The following ABCA3 variants were observed in gnomAD, a reference collection of about 807,000 sequenced individuals.
ABCA3 encodes the protein phospholipid-transporting ATPase ABCA3.
ABCA3 carries 88 observed loss-of-function variants against 172.8 expected under a neutral mutation model. That is an observed-to-expected ratio of 0.51 (90% confidence interval 0.43 to 0.61). The LOEUF is 0.61. Among genes scored for constraint, ABCA3 ranks in the 20% least tolerant of loss-of-function variants. The probability of loss-of-function intolerance (pLI) is 0.00; values close to 1 mark genes in which losing one functional copy is unlikely to be tolerated. For synonymous variants in ABCA3, 1,066 were observed against 983.8 expected, an observed-to-expected ratio of 1.08 and a Z score of -1.56; for missense variants, 2,164 against 2,301.0, an observed-to-expected ratio of 0.94 and a Z score of 1.22.
At position 2,277,973 on chromosome 16, in the gene ABCA3, G is replaced by A. The variant is rs746665862; in HGVS notation, c.4815C>T (p.Phe1605=). 7 of 1,612,912 alleles carry A rather than the reference G, an allele frequency of 4.3e-6. No individual in the cohort carries two copies. Among genetic ancestry groups the A allele is most frequent in the Non-Finnish European group, 5.1e-6 (6 of 1,180,004 alleles). Residue 1605 remains phenylalanine (F), a synonymous_variant, in exon 31 of 33, where the codon TTC becomes TTT. Transcript: ENST00000301732. The surrounding 1 kb of genome is among the most constrained non-coding windows in gnomAD (Gnocchi z 5.3). ...LGSPQHLKSK[F]GSGYSLRAKV... ...TGGCCCGCAGGGAGTAGCCGCTGCC[G>A]AACTTGCTCTTGAGGTGCTGGGGGC...
chr16:2,280,975 C>A, intron 28 of ABCA3, 52 bp downstream of exon 28: 1 of 1,611,706 alleles, frequency 6.2e-7, no homozygotes, highest in East Asian at 2.2e-5. Context: ...CCAGGGTGCC[C>A]CCTCCAGCCA....
In ABCA3 at chr16:2,293,932, T is replaced by C. The variant is rs373157839; in HGVS notation, c.2414+1658A>G. 7.2e-5 allele frequency among the ~76,000 whole-genome samples: 11 copies of C among 152,018 alleles called. No individual in the cohort carries two copies. In the East Asian group the frequency reaches 1.7e-3, roughly 24 times the overall value. ...CCTTCTGCCTTGGCTTCTGAAAGTG[T>C]TGGGATTACAGGCATGAGCAACCAT... On this transcript the variant is annotated intron_variant, in intron 18 of 32. Coordinates refer to ENST00000301732, the MANE Select transcript of ABCA3 (RefSeq NM_001089.3).
Position 2,283,276 on chromosome 16 carries a change from G to C in ABCA3, c.3945C>G (p.Cys1315Trp), listed in dbSNP as rs144831867. The C allele has an allele frequency of 1.2e-6, 2 of 1,613,302 alleles. No homozygotes were observed. Among genetic ancestry groups the C allele is most frequent in the Non-Finnish European group, 8.5e-7 (1 of 1,179,954 alleles). The change falls in exon 26 of 33, where the codon TGC becomes TGG. Residue 1315 changes from cysteine (C) to tryptophan (W), a missense_variant. Coordinates refer to ENST00000301732, the MANE Select transcript of ABCA3 (RefSeq NM_001089.3). The surrounding 1 kb of genome is among the most constrained non-coding windows in gnomAD (Gnocchi z 5.4). ...RFVASMAASGCAYLILLFLIE... is the reference protein window; with the variant it reads ...RFVASMAASGWAYLILLFLIE... ...TGAGGAAGAGCAGGATGAGGTAGGCGCACCCTGAGGCGGCCATGGAGGCCA... is the reference window on the plus strand; with the variant it reads ...TGAGGAAGAGCAGGATGAGGTAGGCCCACCCTGAGGCGGCCATGGAGGCCA...
At chr16:2,289,267 C>T in intron 20 of ABCA3, 167 bp downstream of exon 20, 1 of 767,296 alleles carries the variant, frequency 1.3e-6, no homozygotes, top group Non-Finnish European at 2.1e-6. Context: ...AACGCTTCTC[C>T]CTGCCGACCC....
At chr16:2,293,440 C>T (rs538936794) in intron 18 of ABCA3, among the ~76,000 whole-genome samples, 20 of 139,508 alleles carry the variant, frequency 1.4e-4, no homozygotes, top group Non-Finnish European at 2.4e-4. Flanking sequence ...GGTATAATCT[C>T]GGCTCACTGA....
chr16:2,299,668 C>T lies in ABCA3; in HGVS notation c.1612-136G>A, dbSNP rs533710519. 79 of 1,401,290 alleles carry T rather than the reference C, an allele frequency of 5.6e-5. No homozygotes were observed. The African/African-American group carries it at 6.8e-4, about 12-fold the overall frequency. 86.8% of individuals were successfully genotyped at this position (1,401,290 alleles called of 1,614,324 possible). A position where few individuals can be genotyped will look rare whatever the true frequency, so the allele number is the denominator to read the frequency against. On this transcript the variant is annotated intron_variant, in intron 13 of 32. Coordinates refer to ENST00000301732, the MANE Select transcript of ABCA3 (RefSeq NM_001089.3). ...ACCATCAGTGTGCAGAGGGGAGGGA[C>T]GTTTCGGGCAGATGCTGCTCCTGGC... is the stretch of plus-strand genomic sequence containing the variant.
In ABCA3 at chr16:2,316,490, C is replaced by CAAAAAAAAAAAAAAAAAAAAAAA. The variant is rs71148128; in HGVS notation, c.1111+770_1111+792dup. Among the ~76,000 whole-genome samples the CAAAAAAAAAAAAAAAAAAAAAAA allele has an allele frequency of 2.4e-4, 7 of 28,870 alleles. 3 individuals carry two copies. The highest frequency in any genetic ancestry group is 5.4e-4 in the Non-Finnish European group (7 of 13,002). 18.9% of individuals were successfully genotyped at this position (28,870 alleles called of 152,430 possible). On this transcript the variant is annotated intron_variant, in intron 10 of 32. Coordinates refer to ENST00000301732, the MANE Select transcript of ABCA3 (RefSeq NM_001089.3). ...CAAAACCCCGTCTCTACTAAAAATGCAAAAAAAAAAAAAAAAAAAAAAAAA... is the reference window on the plus strand; with the variant it reads ...CAAAACCCCGTCTCTACTAAAAATGCAAAAAAAAAAAAAAAAAAAAAAAAAAAAAAAAAAAAAAAAAAAAAAAA...
Position 2,285,460 on chromosome 16 carries a change from G to T in ABCA3, c.3465C>A (p.Ile1155=), listed in dbSNP as rs1284334616. The change falls in exon 23 of 33, where the codon ATC becomes ATA. Residue 1155 remains isoleucine, a synonymous_variant. Transcript: ENST00000301732. This position sits in a 1 kb window ranked among gnomAD's most constrained non-coding sequence, Gnocchi z 4.7. ...ALLWDLISFL[I]PSLLLLVVFK... Reference sequence around the variant, plus strand: ...CGCTCACCAGCAGCAGCAGACTGGGGATGAGGAAGGAGATGAGGTCCCACA... The same window carrying T: ...CGCTCACCAGCAGCAGCAGACTGGGTATGAGGAAGGAGATGAGGTCCCACA... The T allele has an allele frequency of 2.5e-6, 4 of 1,611,036 alleles. No homozygotes were observed. Among genetic ancestry groups the T allele is most frequent in the Admixed American group, 3.4e-5 (2 of 59,640 alleles).
At chr16:2,295,461 G>A (rs2093678268) in intron 18 of ABCA3, 129 bp downstream of exon 18, 6 of 1,393,270 alleles carry the variant, frequency 4.3e-6, no homozygotes, top group Non-Finnish European at 6.0e-6. Flanking sequence ...CCCAGGCTGA[G>A]GGTCTAAGAG....
chr16:2,299,028 C>T (rs1480392320), intron 14 of ABCA3, among the ~76,000 whole-genome samples: 3 of 151,400 alleles, frequency 2.0e-5, no homozygotes, highest in East Asian at 3.9e-4. Context: ...GTGAGGAGGG[C>T]AGGGGTCCCT....
intron 3 of ABCA3, among the ~76,000 whole-genome samples, chr16:2,326,922 G>A (rs921496766): frequency 2.0e-5 from 3 of 152,040 alleles, no homozygotes; most frequent in African/African-American, 7.2e-5. Context: ...CGGGAGGCGG[G>A]GGTTGCAGTG....
At chr16:2,312,720 C>T (rs917118023) in intron 10 of ABCA3, among the ~76,000 whole-genome samples, 8 of 151,766 alleles carry the variant, frequency 5.3e-5, no homozygotes, top group South Asian at 2.1e-4. Flanking sequence ...TTAGTAGAGA[C>T]GGGGTTTCAC....
rs528434603 is a variant in ABCA3 at position 2,282,447 on chromosome 16, A to G, written c.4035+739T>C. Among the ~76,000 whole-genome samples, 25 of 152,354 alleles carry G rather than the reference A, an allele frequency of 1.6e-4. No individual in the cohort carries two copies. In the South Asian group the frequency reaches 4.1e-3, roughly 25 times the overall value. On this transcript the variant is annotated intron_variant, in intron 26 of 32. Transcript: ENST00000301732. ...GTTCCCTTTTTAGAGAAGTCTGACTATTTTAAAGAAGTGAATTCCCCCTCG... is the reference window on the plus strand; with the variant it reads ...GTTCCCTTTTTAGAGAAGTCTGACTGTTTTAAAGAAGTGAATTCCCCCTCG...
At chr16:2,276,957 C>T (rs748872868) in intron 32 of ABCA3, 152 bp from the exon 33 acceptor site, 75 of 1,184,176 alleles carry the variant, frequency 6.3e-5, no homozygotes, top group Non-Finnish European at 7.5e-5. Context: ...GTCAGCCCTG[C>T]GACGGCACCG....
In ABCA3 at chr16:2,323,515, C is replaced by T. The variant is rs2093729324; in HGVS notation, c.613+8G>A. 2 of 1,614,070 alleles carry T rather than the reference C, an allele frequency of 1.2e-6. No homozygotes were observed. The highest frequency in any genetic ancestry group is 1.7e-6 in the Non-Finnish European group (2 of 1,180,000). On this transcript the variant is annotated splice_region_variant and intron_variant, in intron 7 of 32. Coordinates refer to ENST00000301732, the MANE Select transcript of ABCA3 (RefSeq NM_001089.3). ...GCTGGTAACACGAACCCTAACCGAG[C>T]TTCTCACCAGGTTCTCCGCCATCAG... is the stretch of plus-strand genomic sequence containing the variant.
In ABCA3 at chr16:2,279,125, C is replaced by T. The variant is rs2093651326; in HGVS notation, c.4365G>A (p.Arg1455=). The T allele has an allele frequency of 1.2e-6, 2 of 1,611,374 alleles. No individual in the cohort carries two copies. The highest frequency in any genetic ancestry group is 1.1e-5 in the South Asian group (1 of 91,024). The change falls in exon 29 of 33, where the codon CGG becomes CGA. Residue 1455 remains arginine (R), a synonymous_variant. Coordinates refer to ENST00000301732, the MANE Select transcript of ABCA3 (RefSeq NM_001089.3). This position sits in a 1 kb window ranked among gnomAD's most constrained non-coding sequence, Gnocchi z 4.4. ...ACTGCGGGCAGTAGCCGATCCGCTG[C>T]CGCACCTGGGGTCGGAGCATAGCCG... is the stretch of plus-strand genomic sequence containing the variant. ...HRISSDVGKV[R]QRIGYCPQFD...
At chr16:2,310,631 C>T (rs1414399919) in intron 10 of ABCA3, among the ~76,000 whole-genome samples, 1 of 151,730 alleles carries the variant, frequency 6.6e-6, no homozygotes, top group East Asian at 2.0e-4. Context: ...ATTCTCCCAC[C>T]TCAGCCTCCT....
rs182489993 is a variant in ABCA3 at position 2,315,243 on chromosome 16, C to G, written c.1111+2040G>C. Among the ~76,000 whole-genome samples the G allele has an allele frequency of 4.9e-3, 740 of 150,182 alleles. 9 individuals carry two copies. Among genetic ancestry groups the G allele is most frequent in the South Asian group, 4.8e-3 (23 of 4,788 alleles). ...ACACACACACACACACACACACACACAGCAAAGTCTGATGAGATATTACCC... is the reference window on the plus strand; with the variant it reads ...ACACACACACACACACACACACACAGAGCAAAGTCTGATGAGATATTACCC... On this transcript the variant is annotated intron_variant, in intron 10 of 32. Coordinates refer to ENST00000301732, the MANE Select transcript of ABCA3 (RefSeq NM_001089.3).
Position 2,297,839 on chromosome 16 carries a change from G to C in ABCA3, c.1979C>G (p.Ser660Ter). 1 of 1,613,822 alleles carries C rather than the reference G, an allele frequency of 6.2e-7. No individual in the cohort carries two copies. The highest frequency in any genetic ancestry group is 8.5e-7 in the Non-Finnish European group (1 of 1,180,044). The change falls in exon 16 of 33, where the codon TCA becomes TGA. Residue 660 changes from serine to a stop codon, truncating the protein, a stop_gained. Transcript: ENST00000301732. LOFTEE classifies it high-confidence loss of function. This position sits in a 1 kb window ranked among gnomAD's most constrained non-coding sequence, Gnocchi z 5.6. ...HIIGLEDKWN[S>*]RSRFLSGGMR... ...GCCCCCGCTCAGGAAGCGGCTCCGTGAGTTCCACTTGTCCTCCAGGCCGAT... is the reference window on the plus strand; with the variant it reads ...GCCCCCGCTCAGGAAGCGGCTCCGTCAGTTCCACTTGTCCTCCAGGCCGAT...
Sources: allele counts gnomAD v4.1 joint callset (sites outside exome capture counted in the v4.1 genomes callset), GRCh38; gene constraint gnomAD v4.1.1; non-coding constraint Gnocchi (gnomAD v3.1); transcripts MANE v1.5; gene names NCBI Gene and HGNC (gene_info 2026-07-23, HGNC 2026-07-21).